Variants in RNF6 observed in about 807,000 individuals in gnomAD.
RNF6 encodes the protein ring finger protein 6, also known as E3 ubiquitin-protein ligase RNF6.
A neutral mutation model predicts 50.1 loss-of-function variants in RNF6; 21 were observed. That is an observed-to-expected ratio of 0.42 (90% CI 0.30 to 0.60). The LOEUF (loss-of-function observed/expected upper bound fraction) is 0.60, where lower values mean the gene tolerates loss of function less well. Ranked by LOEUF, RNF6 falls within the 20% of genes least tolerant of loss-of-function variation. RNF6 has a pLI of 0.20. For synonymous variants in RNF6, 255 were observed against 291.8 expected (o/e 0.87, Z 1.29); for missense variants, 698 against 838.2 (o/e 0.83, Z 2.07).
At chr13:26,176,233 C>T (rs1347859779) in intron 5 of RNF6, among the ~76,000 whole-genome samples, 1 of 152,198 alleles carries the variant, frequency 6.6e-6, no homozygotes, top group African/African-American at 2.4e-5. Flanking sequence ...AATTTGTCTT[C>T]AGTCTTCTCT....
chr13:26,152,782 G>C (rs1408351195), intron 5 of RNF6, among the ~76,000 whole-genome samples: 1 of 152,196 alleles, frequency 6.6e-6, no homozygotes, highest in Non-Finnish European at 1.5e-5. Context: ...CATTGTTACA[G>C]ACATTAGAGA....
chr13:26,137,805 G>A (rs1173090810), intron 5 of RNF6, among the ~76,000 whole-genome samples: 1 of 151,962 alleles, frequency 6.6e-6, no homozygotes, highest in Non-Finnish European at 1.5e-5. Context: ...CCCAGTGTGT[G>A]AAACAGCATG....
intron 5 of RNF6, among the ~76,000 whole-genome samples, chr13:26,191,569 G>A (rs9512148): frequency 0.49 from 74,982 of 151,924 alleles, 21,835 homozygotes; most frequent in East Asian, 0.7. Flanking sequence ...TAGTGAATGA[G>A]TTCTCACAAG....
chr13:26,142,656 G>A (rs1475943974), intron 5 of RNF6, among the ~76,000 whole-genome samples: 1 of 152,126 alleles, frequency 6.6e-6, no homozygotes, highest in African/African-American at 2.4e-5. Flanking sequence ...TATCTTATAA[G>A]TGAGAACTAA....
intron 5 of RNF6, among the ~76,000 whole-genome samples, chr13:26,160,138 CT>C (rs965595185): frequency 1.3e-5 from 2 of 152,052 alleles, no homozygotes; most frequent in Non-Finnish European, 2.9e-5. Flanking sequence ...ATATATTGAG[CT>C]GTGCATGAAA....
At chr13:26,159,837 A>G (rs73158244) in intron 5 of RNF6, among the ~76,000 whole-genome samples, 5,967 of 152,246 alleles carry the variant, frequency 0.039, 123 homozygotes, top group Non-Finnish European at 0.052. Flanking sequence ...AATAACGAAT[A>G]TAAGGAGTAT....
At chr13:26,157,918 G>GGATGGATGGATA (rs1566413035) in intron 5 of RNF6, among the ~76,000 whole-genome samples, 7 of 149,604 alleles carry the variant, frequency 4.7e-5, no homozygotes, top group African/African-American at 1.8e-4. Context: ...ATGGATGGAT[G>GGATGGATGGATA]GATGGATAGA....
At chr13:26,198,372 G>A (rs1167949756) in intron 5 of RNF6, among the ~76,000 whole-genome samples, 1 of 151,782 alleles carries the variant, frequency 6.6e-6, no homozygotes, top group Non-Finnish European at 1.5e-5. Context: ...CCCACATTAT[G>A]GAAAGGAATC....
intron 5 of RNF6, among the ~76,000 whole-genome samples, chr13:26,201,192 G>C (rs1472204141): frequency 6.6e-6 from 1 of 152,154 alleles, no homozygotes; most frequent in Non-Finnish European, 1.5e-5. Flanking sequence ...AGCAAATTAT[G>C]TAGCCAACTG....
At chr13:26,181,940 T>G (rs1038632541) in intron 5 of RNF6, among the ~76,000 whole-genome samples, 2 of 152,246 alleles carry the variant, frequency 1.3e-5, no homozygotes, top group South Asian at 4.1e-4. Context: ...TGAGTTGTTT[T>G]TATTTCTTGA....
intron 5 of RNF6, among the ~76,000 whole-genome samples, chr13:26,206,579 T>C (rs1336672487): frequency 1.3e-5 from 2 of 152,226 alleles, no homozygotes; most frequent in Non-Finnish European, 2.9e-5. Context: ...TTTCTTGGAC[T>C]CGCCTGGGAG....
chr13:26,157,156 G>T (rs1871970656), intron 5 of RNF6, among the ~76,000 whole-genome samples: 1 of 152,076 alleles, frequency 6.6e-6, no homozygotes, highest in Non-Finnish European at 1.5e-5. Context: ...TGTGGTGATG[G>T]TTGCACAACT....
intron 5 of RNF6, among the ~76,000 whole-genome samples, chr13:26,143,481 C>A (rs1461686128): frequency 6.6e-6 from 1 of 152,098 alleles, no homozygotes; most frequent in African/African-American, 2.4e-5. Flanking sequence ...TTCTTCTCTT[C>A]AAAACTAAGA....
intron 5 of RNF6, among the ~76,000 whole-genome samples, chr13:26,172,612 G>A (rs1018093890): frequency 6.6e-6 from 1 of 151,454 alleles, no homozygotes; most frequent in Non-Finnish European, 1.5e-5. Flanking sequence ...GGCGCGATCT[G>A]GGCCCACGGA....
At chr13:26,179,984 C>G (rs1422748537) in intron 5 of RNF6, among the ~76,000 whole-genome samples, 1 of 152,162 alleles carries the variant, frequency 6.6e-6, no homozygotes, top group Non-Finnish European at 1.5e-5. Flanking sequence ...TGTCTGCAGC[C>G]AGCGACCCTG....
chr13:26,141,180 A>G (rs1870923810), intron 5 of RNF6, among the ~76,000 whole-genome samples: 1 of 152,120 alleles, frequency 6.6e-6, no homozygotes, highest in Admixed American at 6.6e-5. Flanking sequence ...AGCAATCCTA[A>G]GCAAAAAGAA....
intron 3 of RNF6, 69 bp downstream of exon 3, chr13:26,219,388 C>A: frequency 7.9e-7 from 1 of 1,264,498 alleles, no homozygotes; most frequent in Non-Finnish European, 1.1e-6. Context: ...AATACCAATT[C>A]TCCTTATCTT....
At chr13:26,219,296 T>C in intron 3 of RNF6, 161 bp downstream of exon 3, 1 of 585,686 alleles carries the variant, frequency 1.7e-6, no homozygotes, top group Non-Finnish European at 2.8e-6. Context: ...AAGCCAGTGA[T>C]TTTCTACTTT....
At chr13:26,134,017 A>G (rs1432990265) in intron 5 of RNF6, among the ~76,000 whole-genome samples, 1 of 152,154 alleles carries the variant, frequency 6.6e-6, no homozygotes, top group African/African-American at 2.4e-5. Context: ...AGGGGAAAGG[A>G]GGTATTGCGT....
Sources: gnomAD v4.1 joint callset for allele counts (sites outside exome capture counted in the v4.1 genomes callset) on GRCh38, gnomAD v4.1.1 for gene constraint, MANE v1.5 for transcripts, NCBI Gene and HGNC (gene_info 2026-07-23, HGNC 2026-07-21) for gene names.